Variants in CHODL observed in about 807,000 individuals in gnomAD.
The protein encoded by CHODL is chondrolectin.
CHODL carries 29 observed loss-of-function variants against 34.5 expected under a neutral mutation model. The observed-to-expected ratio is 0.84, with a 90% CI of 0.63 to 1.15. The LOEUF (loss-of-function observed/expected upper bound fraction) is 1.15. Ranked by LOEUF, CHODL falls within the 50% of genes most tolerant of loss-of-function variation. The pLI, the probability that CHODL is intolerant of heterozygous loss-of-function variation, is 0.00. For synonymous variants in CHODL, 125 were observed against 116.1 expected (o/e 1.08, Z -0.49); for missense variants, 332 against 332.5 (o/e 1.00, Z 0.01).
chr21:18,056,772 T>G (rs2064587205), intron 2 of CHODL, among the ~76,000 whole-genome samples: 1 of 152,146 alleles, frequency 6.6e-6, no homozygotes, highest in African/African-American at 2.4e-5. Flanking sequence ...TCATGCTCCA[T>G]GAATGTAATA....
intron 2 of CHODL, among the ~76,000 whole-genome samples, chr21:18,079,394 T>TTA (rs1015916913): frequency 6.1e-5 from 9 of 147,744 alleles, no homozygotes; most frequent in Admixed American, 1.4e-4. Context: ...CCATAGAATA[T>TTA]TATATATATA....
At chr21:18,085,222 G>GT (rs377708108) in intron 2 of CHODL, among the ~76,000 whole-genome samples, 2 of 151,828 alleles carry the variant, frequency 1.3e-5, no homozygotes, top group Non-Finnish European at 2.9e-5. Flanking sequence ...GTTAGATCAT[G>GT]TTTTTTTGAT....
chr21:18,259,213 C>A (rs2074351273), intron 3 of CHODL, among the ~76,000 whole-genome samples: 1 of 152,014 alleles, frequency 6.6e-6, no homozygotes, highest in African/African-American at 2.4e-5. Context: ...GAGAGTTACA[C>A]TTTTGGAACA....
At chr21:18,121,972 G>A (rs1221126732) in intron 2 of CHODL, among the ~76,000 whole-genome samples, 2 of 152,120 alleles carry the variant, frequency 1.3e-5, no homozygotes, top group African/African-American at 4.8e-5. Flanking sequence ...CAGGCACTTT[G>A]TAAATGCTCT....
intron 1 of CHODL, among the ~76,000 whole-genome samples, chr21:17,948,083 AG>A (rs1434245325): frequency 6.6e-6 from 1 of 152,200 alleles, no homozygotes; most frequent in African/African-American, 2.4e-5. Flanking sequence ...CTCACTTATA[AG>A]TAGTAGCTAA....
At chr21:18,145,589 G>A (rs2072874364) in intron 2 of CHODL, among the ~76,000 whole-genome samples, 1 of 152,074 alleles carries the variant, frequency 6.6e-6, no homozygotes, top group South Asian at 2.1e-4. Context: ...GTTAAAATGA[G>A]GCAATAACCT....
intron 2 of CHODL, among the ~76,000 whole-genome samples, chr21:18,139,401 A>G (rs2072775031): frequency 6.6e-6 from 1 of 152,166 alleles, no homozygotes; most frequent in South Asian, 2.1e-4. Context: ...AACAAAAATG[A>G]CACAATTCCT....
At chr21:18,103,620 G>A (rs2065240505) in intron 2 of CHODL, among the ~76,000 whole-genome samples, 1 of 152,116 alleles carries the variant, frequency 6.6e-6, no homozygotes, top group South Asian at 2.1e-4. Context: ...GCTATGGGCT[G>A]GCTAGGATGA....
At chr21:18,263,560 G>T (rs2146828952) in intron 5 of CHODL, among the ~76,000 whole-genome samples, 1 of 151,946 alleles carries the variant, frequency 6.6e-6, no homozygotes, top group East Asian at 1.9e-4. Flanking sequence ...TAATAAAAAT[G>T]AAACAAAATT....
intron 2 of CHODL, among the ~76,000 whole-genome samples, chr21:18,116,688 A>C (rs1475013892): frequency 6.6e-6 from 1 of 152,208 alleles, no homozygotes; most frequent in African/African-American, 2.4e-5. Context: ...GGAAGTGATG[A>C]TCCCAGCACC....
At chr21:18,000,173 A>C (rs749437052) in intron 1 of CHODL, among the ~76,000 whole-genome samples, 2 of 152,176 alleles carry the variant, frequency 1.3e-5, no homozygotes, top group Non-Finnish European at 2.9e-5. Context: ...TCAGAACATG[A>C]CTGTAATCAA....
At chr21:18,234,763 A>G (rs73316290) in intron 2 of CHODL, among the ~76,000 whole-genome samples, 5,435 of 152,200 alleles carry the variant, frequency 0.036, 320 homozygotes, top group African/African-American at 0.12. Context: ...ATTAAATAAA[A>G]TAGACATCTT....
intron 2 of CHODL, among the ~76,000 whole-genome samples, chr21:18,159,337 A>G (rs2073070042): frequency 6.6e-6 from 1 of 152,228 alleles, no homozygotes; most frequent in South Asian, 2.1e-4. Context: ...AAAGTTGCAA[A>G]TAGTGATGAT....
intron 2 of CHODL, among the ~76,000 whole-genome samples, chr21:18,102,760 G>T (rs1013770204): frequency 1.3e-5 from 2 of 152,104 alleles, no homozygotes; most frequent in African/African-American, 4.8e-5. Flanking sequence ...TGAATATTTT[G>T]TTGATAGAAA....
At chr21:18,041,129 C>G (rs1194115623) in intron 2 of CHODL, among the ~76,000 whole-genome samples, 1 of 151,832 alleles carries the variant, frequency 6.6e-6, no homozygotes, top group Non-Finnish European at 1.5e-5. Context: ...AAATTTGTAT[C>G]CTGGCATTGA....
At chr21:18,192,704 T>G (rs886441742) in intron 2 of CHODL, among the ~76,000 whole-genome samples, 1 of 152,154 alleles carries the variant, frequency 6.6e-6, no homozygotes, top group African/African-American at 2.4e-5. Context: ...AGTAGCTTTA[T>G]TATTCAACAT....
intron 1 of CHODL, among the ~76,000 whole-genome samples, chr21:17,951,120 G>T (rs1186391613): frequency 6.6e-6 from 1 of 151,744 alleles, no homozygotes; most frequent in African/African-American, 2.4e-5. Flanking sequence ...GTGTGTGTGT[G>T]TGTGTGTGTG....
intron 2 of CHODL, among the ~76,000 whole-genome samples, chr21:18,180,542 C>A (rs1345106059): frequency 2.6e-5 from 4 of 152,180 alleles, no homozygotes; most frequent in East Asian, 1.9e-4. Context: ...GTAGAAGTAA[C>A]CTTGTATCTT....
intron 2 of CHODL, among the ~76,000 whole-genome samples, chr21:18,102,733 T>A (rs552739428): frequency 6.6e-6 from 1 of 152,292 alleles, no homozygotes; most frequent in East Asian, 1.9e-4. Context: ...ATATTAAAAA[T>A]GAACACTTGA....
Sources: allele counts gnomAD v4.1 joint callset (sites outside exome capture counted in the v4.1 genomes callset), GRCh38; gene constraint gnomAD v4.1.1; transcripts MANE v1.5; gene names NCBI Gene and HGNC (gene_info 2026-07-23, HGNC 2026-07-21).